The following SGMS1 variants were observed in gnomAD, a reference collection of about 807,000 sequenced individuals.
SGMS1 encodes the protein sphingomyelin synthase 1, also known as phosphatidylcholine:ceramide cholinephosphotransferase 1.
In SGMS1, 13 loss-of-function variants were observed where a neutral mutation model predicts 46.2. That is an observed-to-expected ratio of 0.28 (90% CI 0.18 to 0.45). The LOEUF (loss-of-function observed/expected upper bound fraction) is 0.45. SGMS1 is among the 20% of genes least tolerant of loss of function. The probability of loss-of-function intolerance (pLI) is 1.00; values close to 1 mark genes in which losing one functional copy is unlikely to be tolerated. For missense variants in SGMS1, 324 were observed against 519.9 expected, an observed-to-expected ratio of 0.62 and a Z score of 3.66; for synonymous variants, 203 against 187.8, an observed-to-expected ratio of 1.08 and a Z score of -0.66.
chr10:50,462,257 C>T (rs1837274464), intron 4 of SGMS1, among the ~76,000 whole-genome samples: 2 of 151,888 alleles, frequency 1.3e-5, no homozygotes, highest in African/African-American at 4.8e-5. Context: ...GAGACCCTGT[C>T]TCAAAAAGAA....
At chr10:50,591,469 T>C (rs1043698549) in intron 1 of SGMS1, among the ~76,000 whole-genome samples, 3 of 152,192 alleles carry the variant, frequency 2.0e-5, no homozygotes, top group Non-Finnish European at 4.4e-5. Context: ...TCACAATCTT[T>C]CTTAATAGTA....
chr10:50,424,207 A>G (rs1365659355), intron 6 of SGMS1, among the ~76,000 whole-genome samples: 1 of 152,212 alleles, frequency 6.6e-6, no homozygotes, highest in Non-Finnish European at 1.5e-5. Context: ...CCATGTAAAT[A>G]CCTAAAACGT....
intron 6 of SGMS1, among the ~76,000 whole-genome samples, chr10:50,393,382 G>A (rs534341880): frequency 2.0e-5 from 3 of 152,204 alleles, no homozygotes; most frequent in East Asian, 1.9e-4. Flanking sequence ...CAACCCTGAC[G>A]CACAAGAATG....
At chr10:50,334,312 A>G (rs1201422835) in intron 7 of SGMS1, among the ~76,000 whole-genome samples, 1 of 152,224 alleles carries the variant, frequency 6.6e-6, no homozygotes. Context: ...ATGTATGTAT[A>G]TATGTGTACA....
At chr10:50,516,085 C>T (rs1837803701) in intron 3 of SGMS1, among the ~76,000 whole-genome samples, 1 of 152,156 alleles carries the variant, frequency 6.6e-6, no homozygotes, top group Admixed American at 6.5e-5. Flanking sequence ...CACACACACA[C>T]TTGTCAGATC....
intron 6 of SGMS1, among the ~76,000 whole-genome samples, chr10:50,431,282 T>A (rs1849401886): frequency 6.6e-6 from 1 of 152,188 alleles, no homozygotes; most frequent in Non-Finnish European, 1.5e-5. Context: ...GCGGGAACTA[T>A]AAATACCTTT....
intron 3 of SGMS1, among the ~76,000 whole-genome samples, chr10:50,491,300 C>T (rs1489462694): frequency 6.6e-6 from 1 of 152,138 alleles, no homozygotes; most frequent in Non-Finnish European, 1.5e-5. Flanking sequence ...CTATAGTGAG[C>T]TATGACAGTA....
At chr10:50,363,428 G>A (rs2133421648) in intron 6 of SGMS1, among the ~76,000 whole-genome samples, 1 of 152,312 alleles carries the variant, frequency 6.6e-6, no homozygotes, top group East Asian at 1.9e-4. Flanking sequence ...CCTTGGAAAT[G>A]GTGTGAAAGT....
intron 8 of SGMS1, among the ~76,000 whole-genome samples, chr10:50,313,630 T>C (rs1453295429): frequency 6.6e-6 from 1 of 152,226 alleles, no homozygotes; most frequent in Non-Finnish European, 1.5e-5. Context: ...AAGAAAATTA[T>C]GGCAAAAAAG....
chr10:50,551,570 A>G (rs1838148660), intron 2 of SGMS1, among the ~76,000 whole-genome samples: 1 of 152,062 alleles, frequency 6.6e-6, no homozygotes, highest in Non-Finnish European at 1.5e-5. Flanking sequence ...GTTATGAGGA[A>G]TGTTTCATAT....
intron 5 of SGMS1, among the ~76,000 whole-genome samples, chr10:50,440,294 T>TATATA (rs1177839559): frequency 2.7e-5 from 4 of 150,124 alleles, no homozygotes; most frequent in African/African-American, 9.7e-5. Flanking sequence ...ATATATATAT[T>TATATA]TTCTTTTAAA....
chr10:50,441,150 T>C (rs772584207), intron 5 of SGMS1, among the ~76,000 whole-genome samples: 2 of 152,230 alleles, frequency 1.3e-5, no homozygotes, highest in Non-Finnish European at 2.9e-5. Context: ...TTTGTAGAAC[T>C]TTCCATTAGC....
At chr10:50,412,088 G>A (rs1393102537) in intron 6 of SGMS1, among the ~76,000 whole-genome samples, 1 of 152,134 alleles carries the variant, frequency 6.6e-6, no homozygotes, top group East Asian at 1.9e-4. Flanking sequence ...GCTGTGAATT[G>A]TCCCAATGAT....
At chr10:50,411,738 G>A (rs1203413) in intron 6 of SGMS1, among the ~76,000 whole-genome samples, 5 of 151,758 alleles carry the variant, frequency 3.3e-5, no homozygotes, top group African/African-American at 1.2e-4. Flanking sequence ...CAAACTCTCC[G>A]CTTCTGACCC....
intron 2 of SGMS1, among the ~76,000 whole-genome samples, chr10:50,566,900 T>C (rs998877039): frequency 6.6e-6 from 1 of 152,206 alleles, no homozygotes; most frequent in Non-Finnish European, 1.5e-5. Context: ...GCTTTGTAAA[T>C]AGTTGTTATA....
At chr10:50,574,571 A>G (rs11006179) in intron 2 of SGMS1, among the ~76,000 whole-genome samples, 19,733 of 152,222 alleles carry the variant, frequency 0.13, 1,673 homozygotes, top group Non-Finnish European at 0.19. Flanking sequence ...TGCTATAGAA[A>G]GCAAGATAGA....
intron 6 of SGMS1, among the ~76,000 whole-genome samples, chr10:50,384,196 C>T (rs1278316840): frequency 6.6e-6 from 1 of 152,124 alleles, no homozygotes. Context: ...GACACATGGG[C>T]CTTGGAATCT....
At chr10:50,398,267 C>T (rs183545356) in intron 6 of SGMS1, among the ~76,000 whole-genome samples, 168 of 152,102 alleles carry the variant, frequency 1.1e-3, no homozygotes, top group Non-Finnish European at 1.7e-3. Flanking sequence ...TGTATAAATG[C>T]AGGGAGTAGA....
chr10:50,545,071 G>T (rs1205591624), intron 2 of SGMS1, among the ~76,000 whole-genome samples: 1 of 152,090 alleles, frequency 6.6e-6, no homozygotes, highest in Non-Finnish European at 1.5e-5. Context: ...AAGAAATGAG[G>T]ACACAGTAGC....
Sources: gnomAD v4.1 joint callset for allele counts (sites outside exome capture counted in the v4.1 genomes callset) on GRCh38, gnomAD v4.1.1 for gene constraint, MANE v1.5 for transcripts, NCBI Gene and HGNC (gene_info 2026-07-23, HGNC 2026-07-21) for gene names.